Variants in C12orf42 observed in about 807,000 individuals in gnomAD.
C12orf42 encodes chromosome 12 open reading frame 42, also known as uncharacterized protein C12orf42.
C12orf42 carries 25 observed loss-of-function variants against 21.6 expected under a neutral mutation model. The ratio of observed to expected loss-of-function variants is 1.16; its 90% CI spans 0.84 to 1.62. The LOEUF (loss-of-function observed/expected upper bound fraction) is 1.62, where lower values mean the gene tolerates loss of function less well. Ranked by LOEUF, C12orf42 falls within the 40% of genes most tolerant of loss-of-function variation. The pLI is 0.00. For missense variants in C12orf42, 483 were observed against 459.3 expected (o/e 1.05, Z -0.47); for synonymous variants, 174 against 175.0 (o/e 0.99, Z 0.05).
At chr12:103,302,697 C>T in intron 5 of C12orf42, 138 bp from the exon 6 acceptor site, 1 of 651,716 alleles carries the variant, frequency 1.5e-6, no homozygotes, top group East Asian at 3.0e-5. Flanking sequence ...AAAAAAAAAC[C>T]CTGACATGAT....
intron 4 of C12orf42, among the ~76,000 whole-genome samples, chr12:103,367,143 A>T (rs2044678525): frequency 6.6e-6 from 1 of 152,104 alleles, no homozygotes; most frequent in Admixed American, 6.6e-5. Flanking sequence ...TAGCATTCAC[A>T]GCAACCTGTA....
At chr12:103,288,664 G>A (rs550521972) in intron 4 of C12orf42, among the ~76,000 whole-genome samples, 23 of 152,130 alleles carry the variant, frequency 1.5e-4, no homozygotes, top group Middle Eastern at 3.4e-3. Flanking sequence ...TATGTTAGAC[G>A]TGTAAAAGAT....
At position 103,476,092 on chromosome 12, in the gene C12orf42, A is replaced by C. The variant is rs79882650; in HGVS notation, c.78+2257T>G. 2.4e-4 allele frequency among the ~76,000 whole-genome samples: 37 copies of C among 152,322 alleles called. No individual in the cohort carries two copies. The East Asian group carries it at 6.6e-3, about 27-fold the overall frequency. On this transcript the variant is annotated intron_variant, in intron 2 of 5. Coordinates refer to ENST00000548883, the MANE Select transcript of C12orf42 (RefSeq NM_198521.5). ...TTGCTGTGTGTTTTCAGAAAGCAGG[A>C]AGTATGGAAAGAGTAAGTGGCTAGG...
chr12:103,439,453 C>T (rs1454676943), intron 2 of C12orf42, among the ~76,000 whole-genome samples: 2 of 112,490 alleles, frequency 1.8e-5, no homozygotes, highest in African/African-American at 3.4e-5. Context: ...AAGAAACTAC[C>T]ATCAGAGTGA....
chr12:103,472,865 A>T lies in C12orf42; in HGVS notation c.78+5484T>A, dbSNP rs531469197. 3.9e-5 allele frequency among the ~76,000 whole-genome samples: 6 copies of T among 152,318 alleles called. No homozygotes were observed. The South Asian group carries it at 1.2e-3, about 32-fold the overall frequency. ...GGAAGACGGAGTCAAAGAGAAGCTC[A>T]TCTCTTGCATGGCAGCAGGTCCTGG... On this transcript the variant is annotated intron_variant, in intron 2 of 5. Transcript: ENST00000548883.
At chr12:103,135,189 T>C in the C12orf42 span, among the ~76,000 whole-genome samples, 1 of 152,292 alleles carries the variant, frequency 6.6e-6, no homozygotes, top group East Asian at 1.9e-4. Context: ...GCAGGTTTGC[T>C]CATGCCTGTA....
chr12:103,435,662 T>C (rs1592797953), intron 2 of C12orf42, among the ~76,000 whole-genome samples: 2 of 151,136 alleles, frequency 1.3e-5, no homozygotes, highest in East Asian at 1.9e-4. Context: ...CAATGGAAGA[T>C]GAAATGAATG....
At chr12:103,547,403 A>G in the C12orf42 span, among the ~76,000 whole-genome samples, 3 of 152,346 alleles carry the variant, frequency 2.0e-5, no homozygotes, top group South Asian at 6.2e-4. Context: ...AGCCCTGAAT[A>G]GTGTCCTACT....
intron 10 of C12orf42, among the ~76,000 whole-genome samples, chr12:103,262,817 G>T (rs2034964613): frequency 4.6e-5 from 7 of 152,054 alleles, no homozygotes; most frequent in Admixed American, 4.6e-4. Flanking sequence ...ATACCCAAAG[G>T]ATTATAAATC....
At chr12:103,211,193 G>A in the C12orf42 span, among the ~76,000 whole-genome samples, 1 of 152,126 alleles carries the variant, frequency 6.6e-6, no homozygotes, top group African/African-American at 2.4e-5. Context: ...TATACAGAAA[G>A]CTTTTTTGTG....
At chr12:103,260,043 T>C (rs764315671) in intron 10 of C12orf42, among the ~76,000 whole-genome samples, 2 of 152,204 alleles carry the variant, frequency 1.3e-5, no homozygotes, top group Non-Finnish European at 2.9e-5. Flanking sequence ...CTATAAAATA[T>C]TGTCATTAAC....
upstream of C12orf42, among the ~76,000 whole-genome samples, chr12:103,500,050 T>C (rs372554276): frequency 1.4e-4 from 21 of 152,224 alleles, no homozygotes; most frequent in Admixed American, 1.0e-3. Context: ...AGTTTGGATA[T>C]CTTTTTAAAT....
At chr12:103,442,454 G>A (rs1714760909) in intron 2 of C12orf42, among the ~76,000 whole-genome samples, 1 of 152,136 alleles carries the variant, frequency 6.6e-6, no homozygotes, top group African/African-American at 2.4e-5. Context: ...CTGAAGACAA[G>A]GAGGCTTCCC....
the C12orf42 span, among the ~76,000 whole-genome samples, chr12:103,165,966 G>A: frequency 6.6e-6 from 1 of 152,086 alleles, no homozygotes; most frequent in Admixed American, 6.5e-5. Flanking sequence ...CGTGAACCCG[G>A]GAGGGGGAGG....
At position 103,415,621 on chromosome 12, in the gene C12orf42, GTGCTTT is replaced by G. The variant is rs1482345011; in HGVS notation, c.79-13952_79-13947del. On this transcript the variant is annotated intron_variant, in intron 2 of 5. Coordinates refer to ENST00000548883, the MANE Select transcript of C12orf42 (RefSeq NM_198521.5). ...CAATGAAAATAGAAATCAATATCAA[GTGCTTT>G]TGATTTTTAAGATAGCTGCGGAATA... 2.0e-5 allele frequency among the ~76,000 whole-genome samples: 3 copies of G among 152,248 alleles called. No individual in the cohort carries two copies. The East Asian group carries it at 5.8e-4, about 29-fold the overall frequency.
chr12:103,081,541 A>G, the C12orf42 span: 2 of 152,102 alleles, frequency 1.3e-5, no homozygotes, highest in South Asian at 4.1e-4. Context: ...TAGTTTCCTG[A>G]AAAAGAATGC....
intron 2 of C12orf42, among the ~76,000 whole-genome samples, chr12:103,445,844 C>T (rs563302853): frequency 6.6e-6 from 1 of 152,010 alleles, no homozygotes; most frequent in East Asian, 1.9e-4. Flanking sequence ...TGAAGATGTT[C>T]TTCTATATTG....
the C12orf42 span, among the ~76,000 whole-genome samples, chr12:103,223,736 G>A: frequency 6.6e-6 from 1 of 152,164 alleles, no homozygotes; most frequent in Admixed American, 6.5e-5. Flanking sequence ...TGTCTGCAAT[G>A]AGACTGGGGC....
intron 2 of C12orf42, among the ~76,000 whole-genome samples, chr12:103,469,535 T>C (rs2137838943): frequency 6.6e-6 from 1 of 152,348 alleles, no homozygotes; most frequent in East Asian, 1.9e-4. Context: ...ATATCACTAT[T>C]TGTATGCACT....
Sources: allele counts gnomAD v4.1 joint callset (sites outside exome capture counted in the v4.1 genomes callset), GRCh38; gene constraint gnomAD v4.1.1; transcripts MANE v1.5; gene names NCBI Gene and HGNC (gene_info 2026-07-23, HGNC 2026-07-21).